The following EIF4G3 variants were observed in gnomAD, a reference collection of about 807,000 sequenced individuals.
The protein encoded by EIF4G3 is eIF-4-gamma 3.
EIF4G3 carries 34 observed loss-of-function variants against 186.4 expected under a neutral mutation model. That is an observed-to-expected ratio of 0.18 (90% CI 0.14 to 0.24). EIF4G3 has a LOEUF of 0.24. Among genes scored for constraint, EIF4G3 ranks in the 10% least tolerant of loss-of-function variants. EIF4G3 has a pLI of 1.00. For synonymous variants in EIF4G3, 673 were observed against 679.5 expected (o/e 0.99, Z 0.15); for missense variants, 1,536 against 1,948.5 (o/e 0.79, Z 3.99).
At chr1:21,150,111 T>C (rs2097526822) in intron 2 of EIF4G3, among the ~76,000 whole-genome samples, 2 of 152,306 alleles carry the variant, frequency 1.3e-5, no homozygotes, top group East Asian at 3.9e-4. Flanking sequence ...AGCCAGGACA[T>C]TCTCCCCAAG....
intron 12 of EIF4G3, among the ~76,000 whole-genome samples, chr1:20,953,627 C>T (rs1441604865): frequency 1.3e-5 from 2 of 152,164 alleles, no homozygotes; most frequent in African/African-American, 2.4e-5. Context: ...TACATAGGCA[C>T]ATTGTTTTGC....
At position 20,942,143 on chromosome 1, in the gene EIF4G3, G is replaced by A; in HGVS notation, c.1011C>T (p.Ala337=). The change falls in exon 14 of 37, where the codon GCC becomes GCT. Residue 337 remains alanine, a synonymous_variant. Coordinates refer to ENST00000602326, the MANE Select transcript of EIF4G3 (RefSeq NM_001391906.1). ...GGCTACTAAGAGCAGAAGAGGTGGG[G>A]GCTGCAATTGTACTTCGAGCAACAG... is the stretch of plus-strand genomic sequence containing the variant. The part of the protein sequence containing the change: ...VSSVARSTIA[A]PTSSALSSQP... 6.2e-7 allele frequency: 1 copy of A among 1,614,126 alleles called. No homozygotes were observed. Among genetic ancestry groups the A allele is most frequent in the Non-Finnish European group, 8.5e-7 (1 of 1,180,002 alleles).
rs1174716083 is a variant in EIF4G3 at position 20,899,680 on chromosome 1, G to C, written c.1999+17C>G. ...AGAGGGATAAAGAGGTACATAGGAA[G>C]GCAGGTATAAACTTACCTGGTTTAA... On this transcript the variant is annotated intron_variant, in intron 16 of 36. Coordinates refer to ENST00000602326, the MANE Select transcript of EIF4G3 (RefSeq NM_001391906.1). 13 of 1,613,468 alleles carry C rather than the reference G, an allele frequency of 8.1e-6. No individual in the cohort carries two copies. The South Asian group carries it at 1.4e-4, about 18-fold the overall frequency.
intron 12 of EIF4G3, among the ~76,000 whole-genome samples, chr1:20,957,515 T>A (rs1430841690): frequency 1.6e-5 from 2 of 125,674 alleles, no homozygotes; most frequent in African/African-American, 2.9e-5. Flanking sequence ...TAAACAAGAC[T>A]CTGTCTCAAA....
chr1:20,953,969 T>G (rs2096313010), intron 12 of EIF4G3, among the ~76,000 whole-genome samples: 1 of 152,090 alleles, frequency 6.6e-6, no homozygotes, highest in Admixed American at 6.5e-5. Flanking sequence ...AATCGAAGAG[T>G]GCTAAAAGAG....
chr1:21,162,979 T>C (rs1573613731), intron 2 of EIF4G3, among the ~76,000 whole-genome samples: 2 of 152,124 alleles, frequency 1.3e-5, no homozygotes, highest in Admixed American at 1.3e-4. Flanking sequence ...AGAACAAAGG[T>C]AGGAGAGGGG....
At chr1:20,944,314 C>A (rs891988039) in intron 13 of EIF4G3, among the ~76,000 whole-genome samples, 1 of 151,722 alleles carries the variant, frequency 6.6e-6, no homozygotes, top group Non-Finnish European at 1.5e-5. Flanking sequence ...TAGGAATTTG[C>A]GATAAGCCTC....
intron 24 of EIF4G3, among the ~76,000 whole-genome samples, chr1:20,858,848 T>C (rs576514554): frequency 3.9e-5 from 6 of 152,110 alleles, no homozygotes; most frequent in African/African-American, 1.4e-4. Flanking sequence ...TACAAAAAAA[T>C]TAGCCAGGCG....
At chr1:20,981,336 C>A (rs562468536) in intron 8 of EIF4G3, 109 bp from the exon 9 acceptor site, 2 of 771,992 alleles carry the variant, frequency 2.6e-6, no homozygotes, top group East Asian at 5.5e-5. Flanking sequence ...ACTTGAATTA[C>A]AAATACAATA....
At chr1:20,815,786 T>G (rs2060545935) in intron 34 of EIF4G3, among the ~76,000 whole-genome samples, 1 of 96,902 alleles carries the variant, frequency 1.0e-5, no homozygotes, top group African/African-American at 4.3e-5. Context: ...GGTGGGGGGG[T>G]CAGCCCCCCA....
chr1:21,091,949 T>C (rs547384562), intron 2 of EIF4G3, among the ~76,000 whole-genome samples: 8 of 152,198 alleles, frequency 5.3e-5, no homozygotes, highest in Non-Finnish European at 7.3e-5. Context: ...CAGGGACAAT[T>C]TGACTTCCTC....
chr1:21,165,632 T>A (rs74058838), intron 2 of EIF4G3, among the ~76,000 whole-genome samples: 8,403 of 152,130 alleles, frequency 0.055, 743 homozygotes, highest in African/African-American at 0.19. Context: ...GGCAGATATA[T>A]AGAGGCAGAA....
intron 2 of EIF4G3, among the ~76,000 whole-genome samples, chr1:21,140,100 G>C (rs2097311682): frequency 6.6e-6 from 1 of 152,156 alleles, no homozygotes; most frequent in East Asian, 1.9e-4. Flanking sequence ...TTTGGTTGAG[G>C]CTGTCTTCTC....
Position 21,139,438 on chromosome 1 carries a change from G to C in EIF4G3, c.-272+36737C>G, listed in dbSNP as rs577371919. The stretch of plus-strand genomic sequence containing the variant: ...CCACTGCACTCCAGCCTGGGTGACA[G>C]AGTGAGACCCTGTCTCGGAAAAAAA... On this transcript the variant is annotated intron_variant, in intron 2 of 36. Coordinates refer to ENST00000602326, the MANE Select transcript of EIF4G3 (RefSeq NM_001391906.1). 2.6e-5 allele frequency among the ~76,000 whole-genome samples: 4 copies of C among 152,134 alleles called. No homozygotes were observed. The South Asian group carries it at 8.3e-4, about 32-fold the overall frequency.
chr1:21,136,803 T>A (rs998668471), intron 2 of EIF4G3, among the ~76,000 whole-genome samples: 1 of 152,174 alleles, frequency 6.6e-6, no homozygotes, highest in Non-Finnish European at 1.5e-5. Context: ...AAACAGTATT[T>A]ACACTTGAAT....
At chr1:21,115,885 AT>A (rs112476251) in intron 2 of EIF4G3, among the ~76,000 whole-genome samples, 2 of 151,446 alleles carry the variant, frequency 1.3e-5, no homozygotes, top group South Asian at 2.1e-4. Flanking sequence ...TGCCCAGCTA[AT>A]TTTTTTTTAA....
At chr1:20,863,526 C>A (rs971560948) in intron 22 of EIF4G3, among the ~76,000 whole-genome samples, 2 of 149,036 alleles carry the variant, frequency 1.3e-5, no homozygotes, top group Non-Finnish European at 3.0e-5. Flanking sequence ...CTCACTGCAA[C>A]CTCTGCCTCC....
intron 4 of EIF4G3, among the ~76,000 whole-genome samples, chr1:21,038,913 T>C (rs143773816): frequency 9.4e-4 from 143 of 152,176 alleles, no homozygotes; most frequent in Admixed American, 6.7e-3. Flanking sequence ...CCTATAAAAA[T>C]CCCAAAAACA....
chr1:21,088,100 A>G (rs1324690051), intron 3 of EIF4G3, among the ~76,000 whole-genome samples: 2 of 151,878 alleles, frequency 1.3e-5, no homozygotes. Flanking sequence ...GATCTCTTAA[A>G]AATGAAAAAA....
Sources: allele counts gnomAD v4.1 joint callset (sites outside exome capture counted in the v4.1 genomes callset), GRCh38; gene constraint gnomAD v4.1.1; transcripts MANE v1.5; gene names NCBI Gene and HGNC (gene_info 2026-07-23, HGNC 2026-07-21).